Variants in BTBD9 observed in about 807,000 individuals in gnomAD.
BTBD9 encodes BTB/POZ domain-containing protein 9.
BTBD9 carries 49 observed loss-of-function variants against 64.3 expected under a neutral mutation model. The observed-to-expected ratio is 0.76, with a 90% CI of 0.61 to 0.97. The LOEUF is 0.97. BTBD9 is among the 50% of genes least tolerant of loss of function. BTBD9 has a pLI of 0.00. For missense variants in BTBD9, 598 were observed against 762.1 expected, an observed-to-expected ratio of 0.78 and a Z score of 2.53; for synonymous variants, 260 against 274.7, an observed-to-expected ratio of 0.95 and a Z score of 0.53.
chr6:38,206,655 G>A (rs1582049842), intron 9 of BTBD9, among the ~76,000 whole-genome samples: 3 of 152,230 alleles, frequency 2.0e-5, no homozygotes, highest in African/African-American at 7.2e-5. Context: ...CAAGAAATCT[G>A]ATACAAAGAA....
At chr6:38,563,645 C>T (rs1259777912) in intron 6 of BTBD9, among the ~76,000 whole-genome samples, 2 of 152,174 alleles carry the variant, frequency 1.3e-5, no homozygotes, top group African/African-American at 4.8e-5. Flanking sequence ...ACCTTTCCTC[C>T]TCTACCTCGC....
rs1276883347 is a variant in BTBD9, at chr6:38,487,622, A to C, written c.1154+89978T>G. Among the ~76,000 whole-genome samples, 4 of 148,102 alleles carry C rather than the reference A, an allele frequency of 2.7e-5. No homozygotes were observed. In the South Asian group the frequency reaches 8.8e-4, roughly 32 times the overall value. On this transcript the variant is annotated intron_variant, in intron 6 of 10. Transcript: ENST00000481247. ...GAGAGAGAGAGAGAGAGAGAGAGAG[A>C]GAAGGAAGGAAAGAAAGAGGAAAGG...
At chr6:38,561,430 A>T (rs773034073) in intron 6 of BTBD9, among the ~76,000 whole-genome samples, 9 of 152,220 alleles carry the variant, frequency 5.9e-5, no homozygotes, top group Non-Finnish European at 4.4e-5. Context: ...TCAATCCAGG[A>T]ATCCCTTTAT....
In BTBD9 at chr6:38,250,764, A is replaced by G. The variant is rs529679460; in HGVS notation, c.1562+5645T>C. On this transcript the variant is annotated intron_variant, in intron 9 of 10. Transcript: ENST00000481247. The stretch of plus-strand genomic sequence containing the variant: ...AAAGAGTCGAGAAATATTGTCTATA[A>G]CTGATGGATTAAAAAACAGAAGTTT... Among the ~76,000 whole-genome samples the G allele has an allele frequency of 3.9e-5, 6 of 152,334 alleles. 1 individual carries two copies. The highest frequency in any genetic ancestry group is 1.4e-4 in the African/African-American group (6 of 41,578).
intron 1 of BTBD9, among the ~76,000 whole-genome samples, chr6:38,612,463 T>C (rs1206039711): frequency 1.3e-5 from 2 of 152,202 alleles, no homozygotes; most frequent in Non-Finnish European, 2.9e-5. Context: ...TGCAACTCCT[T>C]CTCCAAACAC....
chr6:38,355,137 GTGTTAGAACTTTAATGC>G (rs1489946938), intron 6 of BTBD9, among the ~76,000 whole-genome samples: 1 of 152,174 alleles, frequency 6.6e-6, no homozygotes, highest in African/African-American at 2.4e-5. Context: ...ATCTGTCAAT[GTGTTAGAACTTTAATGC>G]AAGCAAAACA....
At chr6:38,285,358 T>G (rs543497961) in intron 8 of BTBD9, among the ~76,000 whole-genome samples, 51 of 152,174 alleles carry the variant, frequency 3.4e-4, no homozygotes, top group Admixed American at 5.9e-4. Flanking sequence ...TCAGGGAGAT[T>G]CCCAAGTTTT....
chr6:38,225,456 C>T (rs1339919700), intron 9 of BTBD9, among the ~76,000 whole-genome samples: 1 of 152,192 alleles, frequency 6.6e-6, no homozygotes, highest in Admixed American at 6.5e-5. Flanking sequence ...GGGGCATTCC[C>T]TGGCCCTAAA....
intron 6 of BTBD9, among the ~76,000 whole-genome samples, chr6:38,367,527 T>C (rs1458351747): frequency 6.6e-6 from 1 of 152,098 alleles, no homozygotes; most frequent in Non-Finnish European, 1.5e-5. Flanking sequence ...TATTTAGATC[T>C]GGTGTCATGT....
At chr6:38,311,368 A>C (rs2127570858) in intron 7 of BTBD9, among the ~76,000 whole-genome samples, 1 of 152,268 alleles carries the variant, frequency 6.6e-6, no homozygotes, top group East Asian at 1.9e-4. Context: ...CTTAACATAA[A>C]GACCTCTAGT....
intron 6 of BTBD9, among the ~76,000 whole-genome samples, chr6:38,483,688 C>A (rs1047787199): frequency 6.6e-6 from 1 of 152,196 alleles, no homozygotes; most frequent in Admixed American, 6.5e-5. Context: ...ACATGGCCTT[C>A]TTTCTGTTCC....
chr6:38,295,259 G>C (rs1394312048), intron 7 of BTBD9, among the ~76,000 whole-genome samples: 1 of 152,106 alleles, frequency 6.6e-6, no homozygotes, highest in Non-Finnish European at 1.5e-5. Context: ...TGGACTCCCA[G>C]GCTCAAGCAA....
At chr6:38,273,407 T>C (rs1319687960) in intron 8 of BTBD9, among the ~76,000 whole-genome samples, 1 of 152,188 alleles carries the variant, frequency 6.6e-6, no homozygotes. Context: ...ACGGTCCAGC[T>C]GCACATGTCA....
At chr6:38,442,912 C>T (rs1769102934) in intron 6 of BTBD9, among the ~76,000 whole-genome samples, 1 of 151,972 alleles carries the variant, frequency 6.6e-6, no homozygotes, top group African/African-American at 2.4e-5. Context: ...AGGTGGTCTG[C>T]CCGCCTTGGC....
rs1402783401 is a variant in BTBD9, at chr6:38,588,026, G to A, written c.814+4550C>T. Reference sequence around the variant, plus strand: ...TCAGCCACAGCAACCACCATATACAGAAGCTAAGATACAAGCAGGTCAGAC... The same window carrying A: ...TCAGCCACAGCAACCACCATATACAAAAGCTAAGATACAAGCAGGTCAGAC... On this transcript the variant is annotated intron_variant, in intron 4 of 10. Transcript: ENST00000481247. 10 of 737,112 alleles carry A rather than the reference G, an allele frequency of 1.4e-5. No homozygotes were observed. In the East Asian group the frequency reaches 2.5e-4, roughly 18 times the overall value. The allele number at this position is 737,112 out of a possible 1,614,324, so 45.7% of individuals were successfully genotyped here.
chr6:38,556,297 T>G (rs1775007716), intron 6 of BTBD9, among the ~76,000 whole-genome samples: 1 of 152,166 alleles, frequency 6.6e-6, no homozygotes, highest in South Asian at 2.1e-4. Flanking sequence ...ATCCCACTAT[T>G]TGATCATGAA....
intron 6 of BTBD9, among the ~76,000 whole-genome samples, chr6:38,439,186 T>C (rs1040325136): frequency 7.2e-6 from 1 of 138,816 alleles, no homozygotes; most frequent in Admixed American, 7.9e-5. Flanking sequence ...AATTGGACAA[T>C]CTCAGCAGCT....
chr6:38,356,523 T>C (rs1038261847), intron 6 of BTBD9, among the ~76,000 whole-genome samples: 1 of 152,220 alleles, frequency 6.6e-6, no homozygotes, highest in African/African-American at 2.4e-5. Context: ...ATTCTCTAAA[T>C]GCTCCTTTCT....
chr6:38,171,659 T>C lies in BTBD9; in HGVS notation c.*3326A>G, dbSNP rs903137541. On this transcript the variant is annotated 3_prime_UTR_variant, in exon 11 of 11. Coordinates refer to ENST00000481247, the MANE Select transcript of BTBD9 (RefSeq NM_001099272.2). The stretch of plus-strand genomic sequence containing the variant: ...GTTCATAGCTGCTTCAAGTCCAAAG[T>C]GCTCACAACGGCTCCTGTGAGACTG... 9 of 147,682 alleles carry C rather than the reference T, an allele frequency of 6.1e-5. No individual in the cohort carries two copies. The highest frequency in any genetic ancestry group is 2.3e-4 in the African/African-American group (9 of 39,904). The allele number at this position is 147,682 out of a possible 1,614,324, so 9.1% of individuals were successfully genotyped here. A position where few individuals can be genotyped will look rare whatever the true frequency, so the allele number is the denominator to read the frequency against.
Sources: allele counts gnomAD v4.1 joint callset (sites outside exome capture counted in the v4.1 genomes callset), GRCh38; gene constraint gnomAD v4.1.1; transcripts MANE v1.5; gene names NCBI Gene and HGNC (gene_info 2026-07-23, HGNC 2026-07-21).